The following RBFOX1 variants were observed in gnomAD, a reference collection of about 807,000 sequenced individuals.
RBFOX1 encodes the protein RNA binding fox-1 homolog 1, also known as RNA binding protein fox-1 homolog 1.
In RBFOX1, 8 loss-of-function variants were observed where a neutral mutation model predicts 57.7. That is an observed-to-expected ratio of 0.14 (90% CI 0.08 to 0.25). The LOEUF (loss-of-function observed/expected upper bound fraction) is 0.25. Among genes scored for constraint, RBFOX1 ranks in the 10% least tolerant of loss-of-function variants. The pLI is 1.00. For synonymous variants in RBFOX1, 326 were observed against 222.4 expected (o/e 1.47, Z -4.15); for missense variants, 611 against 548.5 (o/e 1.11, Z -1.14).
chr16:7,366,531 C>T (rs2097452315), intron 4 of RBFOX1, among the ~76,000 whole-genome samples: 2 of 152,190 alleles, frequency 1.3e-5, no homozygotes. Context: ...GATTTCTGTC[C>T]TTCCTCCCTG....
intron 1 of RBFOX1, among the ~76,000 whole-genome samples, chr16:6,156,529 T>G (rs997561355): frequency 6.6e-6 from 1 of 152,220 alleles, no homozygotes; most frequent in Admixed American, 6.5e-5. Flanking sequence ...AAGAGAATGC[T>G]TATTTTCTTT....
chr16:7,248,891 T>C (rs1365101156), intron 4 of RBFOX1, among the ~76,000 whole-genome samples: 1 of 152,232 alleles, frequency 6.6e-6, no homozygotes, highest in African/African-American at 2.4e-5. Context: ...ACAAGGCAAA[T>C]GTTGCTATGT....
intron 2 of RBFOX1, among the ~76,000 whole-genome samples, chr16:5,527,502 G>T (rs981657227): frequency 6.6e-6 from 1 of 152,194 alleles, no homozygotes; most frequent in East Asian, 1.9e-4. Context: ...AGCTGTTTTG[G>T]AGTTTTTTTA....
intron 3 of RBFOX1, among the ~76,000 whole-genome samples, chr16:6,712,626 A>G (rs2063924093): frequency 6.6e-6 from 1 of 152,126 alleles, no homozygotes; most frequent in South Asian, 2.1e-4. Flanking sequence ...TATTCAGAAA[A>G]TGTTTATTAG....
chr16:5,861,029 G>T (rs2151886259), intron 3 of RBFOX1, among the ~76,000 whole-genome samples: 1 of 152,334 alleles, frequency 6.6e-6, no homozygotes, highest in South Asian at 2.1e-4. Context: ...TTTGAGCTTT[G>T]TGGCTGGTGT....
chr16:5,906,376 G>A (rs1290190130), intron 4 of RBFOX1, among the ~76,000 whole-genome samples: 1 of 152,186 alleles, frequency 6.6e-6, no homozygotes, highest in Non-Finnish European at 1.5e-5. Context: ...TCAAGGTAAT[G>A]TTTCTGCAAA....
intron 2 of RBFOX1, among the ~76,000 whole-genome samples, chr16:6,437,836 G>T (rs529451967): frequency 6.6e-6 from 1 of 152,230 alleles, no homozygotes; most frequent in South Asian, 2.1e-4. Flanking sequence ...ACAGCATGGG[G>T]GAAATCTGCA....
chr16:5,528,545 CTTTTTTTT>C (rs755227280), intron 2 of RBFOX1, among the ~76,000 whole-genome samples: 7 of 115,270 alleles, frequency 6.1e-5, no homozygotes, highest in South Asian at 3.3e-4. Context: ...GACAGCTCTT[CTTTTTTTT>C]TTTTTTTTTT....
rs144935205 is a variant in RBFOX1 at position 6,738,115 on chromosome 16, A to T, written c.-16+83465A>T. Among the ~76,000 whole-genome samples, 49 of 151,680 alleles carry T rather than the reference A, an allele frequency of 3.2e-4. 1 individual carries two copies. Among genetic ancestry groups the T allele is most frequent in the African/African-American group, 1.1e-3 (46 of 41,408 alleles). Reference sequence around the variant, plus strand: ...AAAAGTCAGGCATTTTCCTCTTGTCAAGATGGTGTAATAGGGACCAGATGT... The same window carrying T: ...AAAAGTCAGGCATTTTCCTCTTGTCTAGATGGTGTAATAGGGACCAGATGT... On this transcript the variant is annotated intron_variant, in intron 3 of 15. Transcript: ENST00000550418.
At chr16:7,020,890 G>T (rs570639126) in intron 3 of RBFOX1, among the ~76,000 whole-genome samples, 43 of 152,274 alleles carry the variant, frequency 2.8e-4, no homozygotes, top group Non-Finnish European at 5.1e-4. Flanking sequence ...ACTTTGCGAT[G>T]CTAAGACAGG....
At chr16:6,693,787 C>T (rs943221412) in intron 3 of RBFOX1, among the ~76,000 whole-genome samples, 37 of 151,646 alleles carry the variant, frequency 2.4e-4, no homozygotes, top group African/African-American at 8.5e-4. Flanking sequence ...TCTTCCTCCG[C>T]TGCCATCACC....
intron 3 of RBFOX1, among the ~76,000 whole-genome samples, chr16:5,620,793 C>G (rs2048179111): frequency 6.6e-6 from 1 of 152,110 alleles, no homozygotes; most frequent in African/African-American, 2.4e-5. Flanking sequence ...ATCCTCCCAC[C>G]TCAGCTGCTT....
intron 2 of RBFOX1, among the ~76,000 whole-genome samples, chr16:6,557,486 C>T (rs1353431878): frequency 6.6e-6 from 1 of 152,178 alleles, no homozygotes; most frequent in Non-Finnish European, 1.5e-5. Context: ...TGTGATTTAA[C>T]ATCCTTTTTC....
At chr16:5,289,817 G>T (rs7199158) in intron 1 of RBFOX1, among the ~76,000 whole-genome samples, 32,281 of 152,132 alleles carry the variant, frequency 0.21, 4,294 homozygotes, top group African/African-American at 0.38. Flanking sequence ...CTTACACAGT[G>T]TGGCACTTCT....
At chr16:7,441,737 G>A (rs2098768866) in intron 4 of RBFOX1, among the ~76,000 whole-genome samples, 1 of 152,150 alleles carries the variant, frequency 6.6e-6, no homozygotes, top group Admixed American at 6.5e-5. Context: ...CCCACCAGCT[G>A]GAGCTCTGTA....
At chr16:7,293,480 C>T (rs1237458139) in intron 4 of RBFOX1, among the ~76,000 whole-genome samples, 1 of 152,156 alleles carries the variant, frequency 6.6e-6, no homozygotes, top group Non-Finnish European at 1.5e-5. Flanking sequence ...TTCATGTCTG[C>T]TCATACATGC....
rs570062686 is a variant in RBFOX1, at chr16:5,895,656, G to A, written c.351+28321G>A. On this transcript the variant is annotated intron_variant, in intron 4 of 19. Transcript: ENST00000641259. ...GCCACTAACGTGCAGTCTAACTGTG[G>A]GTAAGTCAATTTAACTCTTGCAGAC... Among the ~76,000 whole-genome samples the A allele has an allele frequency of 4.6e-5, 7 of 152,242 alleles. No homozygotes were observed. In the South Asian group the frequency reaches 1.5e-3, roughly 32 times the overall value.
chr16:7,078,201 C>T lies in RBFOX1; in HGVS notation c.27+26103C>T, dbSNP rs187530006. ...TTCCTGCAGAAGAAGGAGAAAGGAG[C>T]ATTGAATAGGCAAACCAGCTGATGT... On this transcript the variant is annotated intron_variant, in intron 4 of 15. Coordinates refer to ENST00000550418, the MANE Select transcript of RBFOX1 (RefSeq NM_018723.4). 8.8e-4 allele frequency among the ~76,000 whole-genome samples: 134 copies of T among 152,268 alleles called. No individual in the cohort carries two copies. The East Asian group carries it at 0.018, about 21-fold the overall frequency.
chr16:7,260,835 C>G (rs1021780565), intron 4 of RBFOX1, among the ~76,000 whole-genome samples: 1 of 152,084 alleles, frequency 6.6e-6, no homozygotes, highest in Non-Finnish European at 1.5e-5. Flanking sequence ...TCTATGAACC[C>G]CAGGTGCAAG....
Sources: allele counts gnomAD v4.1 joint callset (sites outside exome capture counted in the v4.1 genomes callset), GRCh38; gene constraint gnomAD v4.1.1; transcripts MANE v1.5; gene names NCBI Gene and HGNC (gene_info 2026-07-23, HGNC 2026-07-21).